The following TMEM132B variants were observed in gnomAD, a reference collection of about 807,000 sequenced individuals.
TMEM132B encodes transmembrane protein 132B.
TMEM132B carries 18 observed loss-of-function variants against 90.8 expected under a neutral mutation model. The observed-to-expected ratio is 0.20, with a 90% CI of 0.14 to 0.29. TMEM132B has a LOEUF of 0.29. Ranked by LOEUF, TMEM132B falls within the 10% of genes least tolerant of loss-of-function variation. The pLI, the probability that TMEM132B is intolerant of heterozygous loss-of-function variation, is 1.00. For missense variants in TMEM132B, 1,096 were observed against 1,326.8 expected (o/e 0.83, Z 2.70); for synonymous variants, 504 against 523.3 (o/e 0.96, Z 0.50).
At chr12:125,572,254 T>C (rs1453430723) in intron 4 of TMEM132B, among the ~76,000 whole-genome samples, 1 of 152,222 alleles carries the variant, frequency 6.6e-6, no homozygotes, top group Non-Finnish European at 1.5e-5. Context: ...AATCCATGCG[T>C]TGGAAACTTA....
At chr12:125,236,411 C>G (rs1427467894) in intron 1 of TMEM132B, among the ~76,000 whole-genome samples, 2 of 152,190 alleles carry the variant, frequency 1.3e-5, no homozygotes, top group African/African-American at 4.8e-5. Context: ...CATACCTTGG[C>G]CTCCCAAATT....
intron 6 of TMEM132B, among the ~76,000 whole-genome samples, chr12:125,649,472 T>G (rs1346654545): frequency 3.3e-5 from 5 of 152,174 alleles, no homozygotes; most frequent in Admixed American, 1.3e-4. Flanking sequence ...CCTGGCTGAG[T>G]GGCCGCACAA....
chr12:125,292,694 AC>A (rs1483021414), intron 1 of TMEM132B, among the ~76,000 whole-genome samples: 1 of 152,140 alleles, frequency 6.6e-6, no homozygotes, highest in Non-Finnish European at 1.5e-5. Context: ...TTCTCTGGCT[AC>A]CCCTTCAGGA....
chr12:125,623,060 C>G (rs904138976), intron 5 of TMEM132B, among the ~76,000 whole-genome samples: 1 of 152,120 alleles, frequency 6.6e-6, no homozygotes, highest in African/African-American at 2.4e-5. Context: ...TAATTAACAG[C>G]GCTTTTCTCC....
chr12:125,511,047 G>A (rs766899683), intron 3 of TMEM132B, among the ~76,000 whole-genome samples: 6 of 152,152 alleles, frequency 3.9e-5, no homozygotes, highest in Non-Finnish European at 7.3e-5. Flanking sequence ...GCATCCAGTA[G>A]CAGTCACTTC....
chr12:125,420,928 A>G (rs866229950), intron 3 of TMEM132B, among the ~76,000 whole-genome samples: 2 of 152,164 alleles, frequency 1.3e-5, no homozygotes, highest in African/African-American at 2.4e-5. Context: ...AGTTCCACAA[A>G]TCTCTAGGGC....
At chr12:125,361,689 C>G (rs1378076886) in intron 2 of TMEM132B, among the ~76,000 whole-genome samples, 2 of 152,182 alleles carry the variant, frequency 1.3e-5, no homozygotes, top group African/African-American at 4.8e-5. Context: ...TTGTGCTTAG[C>G]TGACACTAGT....
intron 1 of TMEM132B, among the ~76,000 whole-genome samples, chr12:125,273,182 A>G (rs1874894373): frequency 6.6e-6 from 1 of 152,160 alleles, no homozygotes; most frequent in African/African-American, 2.4e-5. Flanking sequence ...CTCTCTCTAT[A>G]TATGTAATTC....
intron 3 of TMEM132B, among the ~76,000 whole-genome samples, chr12:125,430,056 G>A (rs183683892): frequency 6.6e-6 from 1 of 152,204 alleles, no homozygotes; most frequent in African/African-American, 2.4e-5. Flanking sequence ...GGAGTGAAGG[G>A]ACTGTGTTTC....
intron 2 of TMEM132B, among the ~76,000 whole-genome samples, chr12:125,365,461 C>A (rs1221527763): frequency 1.3e-5 from 2 of 151,934 alleles, no homozygotes; most frequent in Non-Finnish European, 2.9e-5. Flanking sequence ...GCAATAGTAG[C>A]CTTTTGCATT....
At chr12:125,368,812 T>G (rs930217686) in intron 2 of TMEM132B, among the ~76,000 whole-genome samples, 32 of 152,234 alleles carry the variant, frequency 2.1e-4, no homozygotes, top group Admixed American at 2.1e-3. Context: ...AAATACAATT[T>G]TTTTTTACAT....
intron 1 of TMEM132B, chr12:125,326,696 C>G: frequency 6.2e-7 from 1 of 1,601,310 alleles, no homozygotes; most frequent in South Asian, 1.1e-5. Flanking sequence ...AGGGAATGGC[C>G]TGGTGCAACC....
intron 5 of TMEM132B, among the ~76,000 whole-genome samples, chr12:125,608,715 C>T (rs1421833415): frequency 6.6e-6 from 1 of 152,046 alleles, no homozygotes; most frequent in African/African-American, 2.4e-5. Context: ...ATATTTAGAT[C>T]TTTAATCATT....
intron 1 of TMEM132B, among the ~76,000 whole-genome samples, chr12:125,323,411 G>A (rs912114476): frequency 2.0e-5 from 3 of 151,138 alleles, no homozygotes; most frequent in Admixed American, 6.6e-5. Flanking sequence ...CCTCCAACCT[G>A]GGCAACAAAG....
intron 1 of TMEM132B, among the ~76,000 whole-genome samples, chr12:125,335,662 G>A (rs1876933296): frequency 6.6e-6 from 1 of 152,190 alleles, no homozygotes; most frequent in Non-Finnish European, 1.5e-5. Context: ...GCAGGGTGAT[G>A]GGGGAAAATG....
intron 1 of TMEM132B, among the ~76,000 whole-genome samples, chr12:125,327,252 A>G (rs1282276054): frequency 1.8e-4 from 27 of 152,098 alleles, no homozygotes; most frequent in Admixed American, 1.8e-3. Flanking sequence ...ACTCATTTCT[A>G]CATGGGGGCC....
intron 2 of TMEM132B, among the ~76,000 whole-genome samples, chr12:125,366,804 T>C (rs1427025972): frequency 1.3e-5 from 2 of 152,216 alleles, no homozygotes; most frequent in Non-Finnish European, 2.9e-5. Flanking sequence ...ATTACACATA[T>C]ACTAGACTAT....
At position 125,251,662 on chromosome 12, in the gene TMEM132B, A is replaced by T. The variant is rs1874319031; in HGVS notation, c.67+64796A>T. Among the ~76,000 whole-genome samples, 1 of 152,082 alleles carries T rather than the reference A, an allele frequency of 6.6e-6. No homozygotes were observed. Among genetic ancestry groups the T allele is most frequent in the South Asian group, 2.1e-4 (1 of 4,828 alleles). ...GCTGAGACAATAGGGAACGGTGTGGACTCTGGCAAACTGGAGACCATGTTC... is the reference window on the plus strand; with the variant it reads ...GCTGAGACAATAGGGAACGGTGTGGTCTCTGGCAAACTGGAGACCATGTTC... On this transcript the variant is annotated intron_variant, in intron 1 of 8. Coordinates refer to ENST00000682704, the MANE Select transcript of TMEM132B (RefSeq NM_001366854.1). The surrounding 1 kb of genome is among the most constrained non-coding windows in gnomAD (Gnocchi z 4.4).
chr12:125,431,308 G>T (rs185376785), intron 3 of TMEM132B, among the ~76,000 whole-genome samples: 3 of 152,120 alleles, frequency 2.0e-5, no homozygotes, highest in Non-Finnish European at 2.9e-5. Flanking sequence ...GTAATGGGGG[G>T]TCCCCTTCGT....
Sources: gnomAD v4.1 joint callset for allele counts (sites outside exome capture counted in the v4.1 genomes callset) on GRCh38, gnomAD v4.1.1 for gene constraint, Gnocchi (gnomAD v3.1) non-coding constraint, MANE v1.5 for transcripts, NCBI Gene and HGNC (gene_info 2026-07-23, HGNC 2026-07-21) for gene names.